LOXHD1: variants seen among roughly 807,000 people sequenced by gnomAD.
LOXHD1 encodes lipoxygenase homology domain-containing protein 1.
A neutral mutation model predicts 248.2 loss-of-function variants in LOXHD1; 205 were observed. That is an observed-to-expected ratio of 0.83 (90% CI 0.74 to 0.93). The LOEUF is 0.93. Ranked by LOEUF, LOXHD1 falls within the 40% of genes least tolerant of loss-of-function variation. LOXHD1 has a pLI of 0.00. For missense variants in LOXHD1, 2,930 were observed against 2,971.6 expected, an observed-to-expected ratio of 0.99 and a Z score of 0.33; for synonymous variants, 1,113 against 1,162.8, an observed-to-expected ratio of 0.96 and a Z score of 0.87.
chr18:46,524,734 G>T lies in LOXHD1; in HGVS notation c.4714C>A (p.Arg1572=), dbSNP rs75949023. 6,400 of 1,551,660 alleles carry T rather than the reference G, an allele frequency of 4.1e-3. 156 individuals are homozygous for T. The Admixed American group carries it at 0.051, about 12-fold the overall frequency. The change falls in exon 30 of 41, where the codon CGA becomes AGA. Residue 1572 remains arginine (R), a synonymous_variant. Coordinates refer to ENST00000642948, the MANE Select transcript of LOXHD1 (RefSeq NM_001384474.1). Reference sequence around the variant, plus strand: ...TTCTCGTAAAAGAGCCTCTCGAGTCGCCCATCCTCCTTCTTCAGGGAGAGC... The same window carrying T: ...TTCTCGTAAAAGAGCCTCTCGAGTCTCCCATCCTCCTTCTTCAGGGAGAGC... ...RWLSLKKEDG[R]LERLFYEKEY... is the part of the protein sequence containing the mutation.
chr18:46,653,018 G>C (rs552499683), intron 1 of LOXHD1, among the ~76,000 whole-genome samples: 1 of 152,182 alleles, frequency 6.6e-6, no homozygotes, highest in Non-Finnish European at 1.5e-5. Flanking sequence ...TTGGGAGGCC[G>C]AGACAGGCAG....
At chr18:46,479,232 A>ATGTGTGTGTG (rs1437862473) in intron 40 of LOXHD1, among the ~76,000 whole-genome samples, 2 of 72,036 alleles carry the variant, frequency 2.8e-5, no homozygotes, top group African/African-American at 1.1e-4. Flanking sequence ...TTGTATATAT[A>ATGTGTGTGTG]TGTATGTGTG....
At chr18:46,634,341 G>A (rs554406255) in intron 4 of LOXHD1, among the ~76,000 whole-genome samples, 2 of 152,298 alleles carry the variant, frequency 1.3e-5, no homozygotes, top group South Asian at 2.1e-4. Context: ...GACAAATATT[G>A]TATGATTCCA....
chr18:46,593,786 T>C (rs1206621543), intron 9 of LOXHD1, 26 bp from the exon 10 acceptor site: 5 of 1,550,510 alleles, frequency 3.2e-6, no homozygotes, highest in Non-Finnish European at 2.6e-6. Context: ...AGTTGCACCA[T>C]AAACTTCAGG....
At chr18:46,578,763 T>G (rs2037906382) in intron 13 of LOXHD1, among the ~76,000 whole-genome samples, 1 of 152,236 alleles carries the variant, frequency 6.6e-6, no homozygotes, top group African/African-American at 2.4e-5. Flanking sequence ...GACTCTGTAC[T>G]CAGCATCCAC....
intron 12 of LOXHD1, among the ~76,000 whole-genome samples, chr18:46,586,324 T>C (rs2038059442): frequency 6.6e-6 from 1 of 152,196 alleles, no homozygotes; most frequent in Admixed American, 6.5e-5. Context: ...TGGAATTTGA[T>C]AGTGGTGATG....
At chr18:46,570,398 C>T (rs956708737) in intron 15 of LOXHD1, among the ~76,000 whole-genome samples, 8 of 152,218 alleles carry the variant, frequency 5.3e-5, no homozygotes, top group African/African-American at 1.9e-4. Context: ...GTGATGCTCA[C>T]TCCCAGGCCT....
At chr18:46,494,691 C>G (rs1416348543) in intron 37 of LOXHD1, among the ~76,000 whole-genome samples, 1 of 152,112 alleles carries the variant, frequency 6.6e-6, no homozygotes, top group Non-Finnish European at 1.5e-5. Flanking sequence ...CCTCAGTATC[C>G]TCACTTGTAC....
rs59128481 is a variant in LOXHD1, at chr18:46,518,116, C to T, written c.5399+13G>A. The T allele has an allele frequency of 0.092, 143,215 of 1,550,968 alleles. 7,153 individuals are homozygous for T. Among genetic ancestry groups the T allele is most frequent in the Non-Finnish European group, 0.1 (118,464 of 1,146,860 alleles). On this transcript the variant is annotated intron_variant, in intron 34 of 40. Coordinates refer to ENST00000642948, the MANE Select transcript of LOXHD1 (RefSeq NM_001384474.1). ...TGTGGGAGGGGTGAGGGGCAGGGGC[C>T]GCCTCCAGGTACCTGGCTTTCTTTT...
chr18:46,559,538 G>C lies in LOXHD1; in HGVS notation c.3126C>G (p.Val1042=), dbSNP rs1327401652. ...ACTCCTCGCCGTAGATGGTTAGGTA[G>C]ACGTTAGCATCAGTGCCGGCCTTGG... The part of the protein sequence containing the change: ...NVPKAGTDAN[V]YLTIYGEEYG... Residue 1042 remains valine, a synonymous_variant, in exon 20 of 41, where the codon GTC becomes GTG. Transcript: ENST00000642948. The C allele has an allele frequency of 6.4e-7, 1 of 1,552,010 alleles. No individual in the cohort carries two copies.
rs1350221655 is a variant in LOXHD1 at position 46,566,368 on chromosome 18, G to A, written c.2326C>T (p.Arg776Cys). The A allele has an allele frequency of 1.2e-5, 19 of 1,551,552 alleles. No homozygotes were observed. The Middle Eastern group carries it at 5.0e-4, about 41-fold the overall frequency. ...GGAAAGGTGTACTGCTTGCCTTGAC[G>A]GGGCACACGGATCTGAACGCTGCCC... is the stretch of plus-strand genomic sequence containing the variant. ...FLGSVQIRVP[R>C]QGKQYTFPAN... Residue 776 changes from arginine to cysteine, a missense_variant, in exon 17 of 41, where the codon CGT (arginine) becomes TGT (cysteine). Arg to Cys is a radical substitution (Grantham distance 180, BLOSUM62 -3). Coordinates refer to ENST00000642948, the MANE Select transcript of LOXHD1 (RefSeq NM_001384474.1).
intron 36 of LOXHD1, 74 bp from the exon 37 acceptor site, chr18:46,506,097 C>T: frequency 9.3e-6 from 14 of 1,497,612 alleles, no homozygotes; most frequent in Non-Finnish European, 1.2e-5. Flanking sequence ...GGCCTTGATC[C>T]CGGACTCCTC....
intron 5 of LOXHD1, among the ~76,000 whole-genome samples, chr18:46,611,695 AC>A (rs1283424091): frequency 3.3e-5 from 5 of 152,174 alleles, no homozygotes; most frequent in Non-Finnish European, 7.4e-5. Flanking sequence ...ACATTCATGT[AC>A]CCACCATCCA....
intron 40 of LOXHD1, among the ~76,000 whole-genome samples, chr18:46,480,170 A>G (rs1399590095): frequency 6.6e-6 from 1 of 152,240 alleles, no homozygotes; most frequent in African/African-American, 2.4e-5. Context: ...TATAAATACA[A>G]AAATCATCTG....
intron 33 of LOXHD1, among the ~76,000 whole-genome samples, chr18:46,520,141 C>T (rs556037598): frequency 9.9e-5 from 15 of 152,198 alleles, no homozygotes; most frequent in South Asian, 2.1e-4. Context: ...GAAGGATGTG[C>T]GCTATAGAAA....
At chr18:46,523,585 C>T (rs1568134934) in intron 31 of LOXHD1, among the ~76,000 whole-genome samples, 2 of 152,110 alleles carry the variant, frequency 1.3e-5, no homozygotes, top group Admixed American at 6.6e-5. Context: ...AACCCTTCTC[C>T]GGGTTCATCT....
chr18:46,519,732 T>A (rs1451274037), intron 33 of LOXHD1, among the ~76,000 whole-genome samples: 1 of 152,176 alleles, frequency 6.6e-6, no homozygotes, highest in African/African-American at 2.4e-5. Context: ...GTCCGACTCT[T>A]GTGTTCTCTG....
chr18:46,500,821 T>C (rs1318582642), intron 37 of LOXHD1, among the ~76,000 whole-genome samples: 1 of 152,206 alleles, frequency 6.6e-6, no homozygotes, highest in African/African-American at 2.4e-5. Flanking sequence ...TGCTATTCAC[T>C]CTACCTCACA....
Position 46,569,532 on chromosome 18 carries a change from T to C in LOXHD1, c.2154A>G (p.Gln718=), listed in dbSNP as rs2037710646. The part of the protein sequence containing the change: ...LYGDKSDTIK[Q]VLLVSDNNLK... ...GGTTGTTGTCAGAGACAAGAAGAAC[T>C]TGCTTGATGGTGTCAGATTTATCCC... The change falls in exon 16 of 41, where the codon CAA becomes CAG. Residue 718 remains glutamine (Q), a synonymous_variant. Transcript: ENST00000642948. 6.4e-7 allele frequency: 1 copy of C among 1,552,050 alleles called. No homozygotes were observed. Among genetic ancestry groups the C allele is most frequent in the African/African-American group, 1.4e-5 (1 of 73,178 alleles).
Sources: gnomAD v4.1 joint callset for allele counts (sites outside exome capture counted in the v4.1 genomes callset) on GRCh38, gnomAD v4.1.1 for gene constraint, MANE v1.5 for transcripts, NCBI Gene and HGNC (gene_info 2026-07-23, HGNC 2026-07-21) for gene names.